The following CNTNAP5 variants were observed in gnomAD, a reference collection of about 807,000 sequenced individuals.
CNTNAP5 encodes the protein contactin-associated protein-like 5.
A neutral mutation model predicts 150.2 loss-of-function variants in CNTNAP5; 72 were observed. The observed-to-expected ratio is 0.48, with a 90% CI of 0.40 to 0.58. The LOEUF (loss-of-function observed/expected upper bound fraction) is 0.58. Among genes scored for constraint, CNTNAP5 ranks in the 20% least tolerant of loss-of-function variants. The probability of loss-of-function intolerance (pLI) is 0.00; values close to 1 mark genes in which losing one functional copy is unlikely to be tolerated. For missense variants in CNTNAP5, 1,636 were observed against 1,626.2 expected (o/e 1.01, Z -0.10); for synonymous variants, 672 against 619.8 (o/e 1.08, Z -1.25).
At chr2:124,176,182 C>A (rs1173870233) in intron 1 of CNTNAP5, among the ~76,000 whole-genome samples, 1 of 152,224 alleles carries the variant, frequency 6.6e-6, no homozygotes, top group Non-Finnish European at 1.5e-5. Flanking sequence ...ATGGCACATG[C>A]TGTGCGTGCT....
chr2:124,467,009 G>A (rs1693393664), intron 6 of CNTNAP5, among the ~76,000 whole-genome samples: 1 of 152,140 alleles, frequency 6.6e-6, no homozygotes, highest in Non-Finnish European at 1.5e-5. Context: ...CAGAAAGAAA[G>A]CAGAAGTGGA....
At chr2:124,854,271 C>G (rs1190849359) in intron 19 of CNTNAP5, among the ~76,000 whole-genome samples, 1 of 152,204 alleles carries the variant, frequency 6.6e-6, no homozygotes, top group Non-Finnish European at 1.5e-5. Context: ...TGCCACACAT[C>G]TCTTTTGAGG....
At chr2:124,584,753 A>AAGGAT (rs1431791277) in intron 11 of CNTNAP5, among the ~76,000 whole-genome samples, 3 of 152,242 alleles carry the variant, frequency 2.0e-5, no homozygotes, top group African/African-American at 7.2e-5. Flanking sequence ...AATTATTTCC[A>AAGGAT]AGGATGCCTT....
rs187503986 is a variant in CNTNAP5 at position 124,918,222 on chromosome 2, T to C, written c.*3934T>C. Among the ~76,000 whole-genome samples, 1 of 152,150 alleles carries C rather than the reference T, an allele frequency of 6.6e-6. No individual in the cohort carries two copies. The highest frequency in any genetic ancestry group is 2.4e-5 in the African/African-American group (1 of 41,558). On this transcript the variant is annotated 3_prime_UTR_variant, in exon 24 of 24. Transcript: ENST00000682447. Reference sequence around the variant, plus strand: ...TTCTCAGTTCTTCCACAGCCATGTGTTTATGACCTATTGCATGCCGTTGTT... The same window carrying C: ...TTCTCAGTTCTTCCACAGCCATGTGCTTATGACCTATTGCATGCCGTTGTT...
chr2:124,042,260 T>G (rs1681395109), intron 1 of CNTNAP5, among the ~76,000 whole-genome samples: 1 of 152,236 alleles, frequency 6.6e-6, no homozygotes, highest in Non-Finnish European at 1.5e-5. Context: ...TTCATCCTGG[T>G]TCTGCTTACT....
Position 124,631,753 on chromosome 2 carries a change from A to G in CNTNAP5, c.1877-16005A>G, listed in dbSNP as rs139062928. Among the ~76,000 whole-genome samples the G allele has an allele frequency of 9.5e-3, 1,440 of 152,320 alleles. 60 individuals carry two copies. Among genetic ancestry groups the G allele is most frequent in the Admixed American group, 0.071 (1,082 of 15,288 alleles). ...TAATTAAACTAAAGAGTTTCTGCAC[A>G]GCAAATGAAACTATCATCAGAGCAA... On this transcript the variant is annotated intron_variant, in intron 12 of 23. Transcript: ENST00000682447.
At chr2:124,446,680 C>T (rs1242510098) in intron 5 of CNTNAP5, 73 bp from the exon 6 acceptor site, 1 of 1,449,040 alleles carries the variant, frequency 6.9e-7, no homozygotes, top group Non-Finnish European at 9.5e-7. Flanking sequence ...GCTGCTTTTG[C>T]TTGTGGAGCA....
intron 3 of CNTNAP5, among the ~76,000 whole-genome samples, chr2:124,325,275 G>A (rs1025502540): frequency 1.3e-5 from 2 of 152,108 alleles, no homozygotes; most frequent in Non-Finnish European, 2.9e-5. Flanking sequence ...CTTAATCTCG[G>A]AGTTTCCAGC....
chr2:124,031,653 C>A (rs1444643259), intron 1 of CNTNAP5, among the ~76,000 whole-genome samples: 1 of 152,120 alleles, frequency 6.6e-6, no homozygotes, highest in Non-Finnish European at 1.5e-5. Context: ...TCTCCATCCA[C>A]TGACTTCAGT....
chr2:124,861,180 T>A (rs1677516683), intron 19 of CNTNAP5, among the ~76,000 whole-genome samples: 1 of 152,076 alleles, frequency 6.6e-6, no homozygotes, highest in Non-Finnish European at 1.5e-5. Context: ...TCGGTTCTTT[T>A]AAGAGGATTC....
intron 11 of CNTNAP5, among the ~76,000 whole-genome samples, chr2:124,605,809 C>CAAAA (rs36090348): frequency 1.2e-3 from 41 of 34,088 alleles, no homozygotes; most frequent in East Asian, 3.7e-3. Flanking sequence ...AAGACTCTGT[C>CAAAA]AAAAAAAAAA....
At chr2:124,843,852 TTGTC>T (rs1573655154) in intron 19 of CNTNAP5, among the ~76,000 whole-genome samples, 1 of 152,210 alleles carries the variant, frequency 6.6e-6, no homozygotes, top group East Asian at 1.9e-4. Context: ...TTTGATGAGA[TTGTC>T]TGTTCTTTCA....
chr2:124,786,398 A>AGAAGGAAG (rs773411166), intron 17 of CNTNAP5, among the ~76,000 whole-genome samples: 457 of 45,158 alleles, frequency 0.01, 11 homozygotes, highest in Middle Eastern at 0.048. Context: ...AAAGAAAGAA[A>AGAAGGAAG]GAAGGAAGGA....
chr2:124,700,839 A>G (rs1315871644), intron 13 of CNTNAP5, among the ~76,000 whole-genome samples: 1 of 152,098 alleles, frequency 6.6e-6, no homozygotes, highest in Non-Finnish European at 1.5e-5. Context: ...TATGAGATAC[A>G]TATAGATATT....
intron 13 of CNTNAP5, among the ~76,000 whole-genome samples, chr2:124,683,454 G>A (rs878901804): frequency 5.9e-5 from 9 of 151,948 alleles, no homozygotes; most frequent in Non-Finnish European, 7.4e-5. Context: ...GTTTTTTGGT[G>A]GTTATTTATG....
At chr2:124,446,569 T>C (rs1479569875) in intron 5 of CNTNAP5, among the ~76,000 whole-genome samples, 184 bp from the exon 6 acceptor site, 1 of 152,190 alleles carries the variant, frequency 6.6e-6, no homozygotes, top group African/African-American at 2.4e-5. Context: ...ATATTGAACT[T>C]GATTCTGGAA....
intron 10 of CNTNAP5, among the ~76,000 whole-genome samples, chr2:124,534,418 A>C (rs1008949197): frequency 6.6e-6 from 1 of 152,234 alleles, no homozygotes; most frequent in African/African-American, 2.4e-5. Context: ...TATGCTAAAC[A>C]AGAGGTAGAT....
chr2:124,828,128 C>A (rs1682636374), intron 19 of CNTNAP5, among the ~76,000 whole-genome samples: 1 of 152,154 alleles, frequency 6.6e-6, no homozygotes, highest in African/African-American at 2.4e-5. Flanking sequence ...ACTATTTAAT[C>A]TCTCAAAGAC....
chr2:124,659,538 CG>C (rs1558724107), intron 13 of CNTNAP5, among the ~76,000 whole-genome samples: 2 of 152,138 alleles, frequency 1.3e-5, no homozygotes, highest in African/African-American at 2.4e-5. Flanking sequence ...TTCTTCTCTG[CG>C]AAATAGCTAA....
Sources: gnomAD v4.1 joint callset for allele counts (sites outside exome capture counted in the v4.1 genomes callset) on GRCh38, gnomAD v4.1.1 for gene constraint, MANE v1.5 for transcripts, NCBI Gene and HGNC (gene_info 2026-07-23, HGNC 2026-07-21) for gene names.